The following SHOC2 variants were observed in gnomAD, a reference collection of about 807,000 sequenced individuals.
The protein encoded by SHOC2 is SHOC2 leucine rich repeat scaffold protein.
In SHOC2, 4 loss-of-function variants were observed where a neutral mutation model predicts 50.2. The ratio of observed to expected loss-of-function variants is 0.08; its 90% CI spans 0.04 to 0.18. SHOC2 has a LOEUF of 0.18. SHOC2 is among the 10% of genes least tolerant of loss of function. The pLI is 1.00. For synonymous variants in SHOC2, 218 were observed against 244.5 expected (o/e 0.89, Z 1.01); for missense variants, 388 against 669.6 (o/e 0.58, Z 4.64).
At chr10:110,952,975 A>G (rs932968168) in intron 1 of SHOC2, among the ~76,000 whole-genome samples, 2 of 152,166 alleles carry the variant, frequency 1.3e-5, no homozygotes, top group South Asian at 4.1e-4. Flanking sequence ...ATGGATGGGC[A>G]TTTGGGTTGG....
chr10:110,925,388 G>T (rs1480867712), intron 1 of SHOC2, among the ~76,000 whole-genome samples: 1 of 152,054 alleles, frequency 6.6e-6, no homozygotes, highest in Non-Finnish European at 1.5e-5. Flanking sequence ...TTTTCACGCA[G>T]TATTTTTTGG....
chr10:110,982,613 T>C (rs1022571460), intron 2 of SHOC2, among the ~76,000 whole-genome samples: 1 of 151,788 alleles, frequency 6.6e-6, no homozygotes, highest in African/African-American at 2.4e-5. Flanking sequence ...CCAGTGATGA[T>C]GAGCATTTTT....
At chr10:110,974,126 T>A (rs1847833428) in intron 2 of SHOC2, among the ~76,000 whole-genome samples, 1 of 152,064 alleles carries the variant, frequency 6.6e-6, no homozygotes, top group Admixed American at 6.6e-5. Flanking sequence ...TATTCTTTCA[T>A]TATATAACTA....
intron 4 of SHOC2, among the ~76,000 whole-genome samples, chr10:111,003,967 T>C (rs1564729154): frequency 6.6e-6 from 1 of 152,192 alleles, no homozygotes; most frequent in Admixed American, 6.5e-5. Flanking sequence ...GGTTAAATGG[T>C]GAGAGGCTAA....
intron 1 of SHOC2, among the ~76,000 whole-genome samples, chr10:110,921,495 C>CT (rs1846649882): frequency 1.3e-5 from 2 of 152,074 alleles, no homozygotes; most frequent in South Asian, 4.1e-4. Flanking sequence ...ATGGACATGT[C>CT]TTTAAGGGTA....
chr10:110,987,249 TTTTA>T (rs1453148395), intron 3 of SHOC2, among the ~76,000 whole-genome samples: 14 of 152,314 alleles, frequency 9.2e-5, no homozygotes, highest in African/African-American at 3.1e-4. Flanking sequence ...TGGAAGATGT[TTTTA>T]TTTATTTATT....
At chr10:110,967,590 A>G (rs1044711872) in intron 2 of SHOC2, among the ~76,000 whole-genome samples, 5 of 152,208 alleles carry the variant, frequency 3.3e-5, no homozygotes, top group Admixed American at 2.0e-4. Context: ...AATACCTCCA[A>G]AAGAAACTCT....
intron 3 of SHOC2, among the ~76,000 whole-genome samples, chr10:110,992,527 C>T (rs1190358438): frequency 6.6e-6 from 1 of 152,136 alleles, no homozygotes; most frequent in Non-Finnish European, 1.5e-5. Flanking sequence ...GGAAAAAATA[C>T]TTTACTTTGT....
chr10:110,959,454 C>T (rs1032091241), intron 1 of SHOC2, among the ~76,000 whole-genome samples: 3 of 152,146 alleles, frequency 2.0e-5, no homozygotes, highest in Non-Finnish European at 4.4e-5. Flanking sequence ...CCATTAAATG[C>T]CAGTAGCATT....
At position 110,934,558 on chromosome 10, in the gene SHOC2, G is replaced by T. The variant is rs192262090; in HGVS notation, c.-235+14901G>T. ...AATTTAGTCTATTGATGTACATTAG[G>T]TTATTTCTAATATTTTGCTATTTAT... On this transcript the variant is annotated intron_variant, in intron 1 of 8. Coordinates refer to ENST00000369452, the MANE Select transcript of SHOC2 (RefSeq NM_007373.4). 1.4e-3 allele frequency among the ~76,000 whole-genome samples: 215 copies of T among 152,188 alleles called. 1 individual carries two copies. The highest frequency in any genetic ancestry group is 4.4e-3 in the African/African-American group (181 of 41,532).
chr10:110,998,676 A>G (rs1323909135), intron 3 of SHOC2, among the ~76,000 whole-genome samples: 1 of 151,914 alleles, frequency 6.6e-6, no homozygotes, highest in African/African-American at 2.4e-5. Flanking sequence ...TCTAATTGGA[A>G]GAATTGAAGT....
intron 1 of SHOC2, among the ~76,000 whole-genome samples, chr10:110,954,416 A>G (rs1024210334): frequency 7.2e-5 from 11 of 152,266 alleles, no homozygotes; most frequent in Admixed American, 3.3e-4. Flanking sequence ...GTTAGCATCA[A>G]AATAAAGGGG....
intron 2 of SHOC2, among the ~76,000 whole-genome samples, chr10:110,974,682 TC>T (rs1847844300): frequency 6.6e-6 from 1 of 152,140 alleles, no homozygotes; most frequent in African/African-American, 2.4e-5. Context: ...TTTTAGTGTT[TC>T]CTCTAGTGTT....
chr10:110,991,187 TTAAAG>T (rs1280050086), intron 3 of SHOC2, among the ~76,000 whole-genome samples: 1 of 152,214 alleles, frequency 6.6e-6, no homozygotes, highest in Non-Finnish European at 1.5e-5. Context: ...GGGCATGCGA[TTAAAG>T]TACTGAAATG....
intron 1 of SHOC2, among the ~76,000 whole-genome samples, chr10:110,954,838 A>G (rs1408888784): frequency 6.6e-6 from 1 of 152,216 alleles, no homozygotes; most frequent in African/African-American, 2.4e-5. Context: ...GGCAGAGGAA[A>G]CACAGACAAG....
intron 3 of SHOC2, among the ~76,000 whole-genome samples, chr10:110,990,189 T>C (rs4917591): frequency 0.87 from 131,846 of 152,150 alleles, 57,227 homozygotes; most frequent in East Asian, 0.95. Context: ...CCTGCAGCCC[T>C]GGTGCGGGAT....
rs867796776 is a variant in SHOC2 at position 110,982,012 on chromosome 10, C to G, written c.704-3616C>G. On this transcript the variant is annotated intron_variant, in intron 2 of 8. Transcript: ENST00000369452. ...CGATGCTATCCCTCCCCCCTCCCCCCACCCCACAACAGTCCCCAGAGTGTG... is the reference window on the plus strand; with the variant it reads ...CGATGCTATCCCTCCCCCCTCCCCCGACCCCACAACAGTCCCCAGAGTGTG... Among the ~76,000 whole-genome samples, 515 of 114,128 alleles carry G rather than the reference C, an allele frequency of 4.5e-3. 4 individuals carry two copies. Among genetic ancestry groups the G allele is most frequent in the African/African-American group, 0.016 (478 of 30,734 alleles). 74.9% of individuals were successfully genotyped at this position (114,128 alleles called of 152,430 possible).
intron 1 of SHOC2, among the ~76,000 whole-genome samples, chr10:110,939,795 T>C (rs1161488257): frequency 5.9e-5 from 9 of 152,206 alleles, no homozygotes; most frequent in Non-Finnish European, 1.3e-4. Context: ...TCAGTGCTAG[T>C]TTTTAAGAAT....
At position 110,950,940 on chromosome 10, in the gene SHOC2, A is replaced by G. The variant is rs540628544; in HGVS notation, c.-234-13185A>G. On this transcript the variant is annotated intron_variant, in intron 1 of 8. Transcript: ENST00000369452. Reference sequence around the variant, plus strand: ...GAGCGAAAACTGTAAAATTACCAGAAGAAAACAAAGGGAAAAGTTTCTTGA... The same window carrying G: ...GAGCGAAAACTGTAAAATTACCAGAGGAAAACAAAGGGAAAAGTTTCTTGA... Among the ~76,000 whole-genome samples, 46 of 152,348 alleles carry G rather than the reference A, an allele frequency of 3.0e-4. No homozygotes were observed. The South Asian group carries it at 9.5e-3, about 32-fold the overall frequency.
Sources: allele counts gnomAD v4.1 joint callset (sites outside exome capture counted in the v4.1 genomes callset), GRCh38; gene constraint gnomAD v4.1.1; transcripts MANE v1.5; gene names NCBI Gene and HGNC (gene_info 2026-07-23, HGNC 2026-07-21).